Variants in PDE1C observed in about 807,000 individuals in gnomAD.
PDE1C encodes the protein phosphodiesterase 1C, also known as dual specificity calcium/calmodulin-dependent 3',5'-cyclic nucleotide phosphodiesterase 1C.
Under a neutral mutation model 93.1 loss-of-function variants are expected in PDE1C, and 62 were observed. That is an observed-to-expected ratio of 0.67 (90% CI 0.54 to 0.82). The LOEUF (loss-of-function observed/expected upper bound fraction) is 0.82. Ranked by LOEUF, PDE1C falls within the 40% of genes least tolerant of loss-of-function variation. The pLI, the probability that PDE1C is intolerant of heterozygous loss-of-function variation, is 0.00. For missense variants in PDE1C, 742 were observed against 884.6 expected (o/e 0.84, Z 2.04); for synonymous variants, 325 against 310.1 (o/e 1.05, Z -0.50).
At chr7:32,051,418 C>A in intron 2 of PDE1C, 136 bp downstream of exon 2, 1 of 805,384 alleles carries the variant, frequency 1.2e-6, no homozygotes, top group South Asian at 1.5e-5. Context: ...CAGTCACGAT[C>A]GGAGATAAAG....
intron 1 of PDE1C, among the ~76,000 whole-genome samples, chr7:32,289,094 G>A (rs1812182024): frequency 6.6e-6 from 1 of 152,142 alleles, no homozygotes; most frequent in Admixed American, 6.5e-5. Flanking sequence ...TAACAAACAA[G>A]ATTCAGAAAG....
intron 14 of PDE1C, among the ~76,000 whole-genome samples, chr7:31,821,614 T>TA (rs147315018): frequency 0.013 from 2,053 of 152,202 alleles, 40 homozygotes; most frequent in African/African-American, 0.047. Flanking sequence ...GCACTTAAAA[T>TA]ATGGAAGGTG....
chr7:31,847,830 A>G (rs1784817039), intron 9 of PDE1C, 138 bp downstream of exon 9: 2 of 807,632 alleles, frequency 2.5e-6, no homozygotes, highest in East Asian at 2.5e-5. Flanking sequence ...AGAGGGTGAG[A>G]GTGAGAGAAA....
intron 3 of PDE1C, among the ~76,000 whole-genome samples, chr7:32,076,477 C>T (rs1474345363): frequency 1.3e-5 from 2 of 151,270 alleles, no homozygotes; most frequent in East Asian, 1.9e-4. Context: ...CCCATCTCTA[C>T]GAAAAAAATA....
chr7:32,116,849 G>A (rs1417580622), intron 3 of PDE1C, among the ~76,000 whole-genome samples: 1 of 152,174 alleles, frequency 6.6e-6, no homozygotes, highest in Non-Finnish European at 1.5e-5. Flanking sequence ...TAATCACATG[G>A]TCATTTCTTC....
intron 1 of PDE1C, among the ~76,000 whole-genome samples, chr7:32,398,923 G>A (rs1034910777): frequency 1.3e-5 from 2 of 152,144 alleles, no homozygotes; most frequent in Non-Finnish European, 2.9e-5. Context: ...CCAGCACATA[G>A]GGTAACTTTT....
At chr7:32,298,727 G>A in exon 1 of PDE1C, 1 of 1,597,208 alleles carries the variant, frequency 6.3e-7, no homozygotes, top group Non-Finnish European at 8.5e-7. Flanking sequence ...TGTTGCCGGC[G>A]TCCGTCATGG....
In PDE1C at chr7:31,809,097, C is replaced by T; in HGVS notation, c.1825G>A (p.Asp609Asn). ...GEQQQNGDFK[D>N]GKNKTDKKDH... ...TTCTTGTCTGTCTTATTTTTACCAT[C>T]TTTGAAGTCACCTGAAAGTAATAAA... The change falls in exon 16 of 18, where the codon GAT becomes AAT. Residue 609 changes from aspartate to asparagine, a missense_variant. Physicochemically the swap from Asp to Asn is conservative, Grantham distance 23. Around this residue, in one of 4 missense-constraint regions of PDE1C, gnomAD observed 454 missense variants for 459.4 expected, o/e 0.99. Transcript: ENST00000396191. The T allele has an allele frequency of 6.3e-7, 1 of 1,578,838 alleles. No homozygotes were observed. The highest frequency in any genetic ancestry group is 8.7e-7 in the Non-Finnish European group (1 of 1,149,350).
intron 1 of PDE1C, among the ~76,000 whole-genome samples, chr7:32,342,338 G>T (rs373081090): frequency 4.6e-5 from 7 of 152,060 alleles, no homozygotes; most frequent in African/African-American, 1.4e-4. Context: ...ATCAATAACA[G>T]GAAATATTAT....
At chr7:32,264,218 G>A (rs556287402) in intron 1 of PDE1C, among the ~76,000 whole-genome samples, 5 of 152,290 alleles carry the variant, frequency 3.3e-5, no homozygotes, top group African/African-American at 9.6e-5. Context: ...GACAGGTGCT[G>A]AAGATTTTAA....
At chr7:32,402,811 C>A (rs776639093) in intron 1 of PDE1C, among the ~76,000 whole-genome samples, 1 of 152,036 alleles carries the variant, frequency 6.6e-6, no homozygotes, top group African/African-American at 2.4e-5. Context: ...TTATCAAAAC[C>A]CCCTCCAAGA....
chr7:32,204,716 CTA>C (rs1173861141), intron 2 of PDE1C, among the ~76,000 whole-genome samples: 1 of 152,106 alleles, frequency 6.6e-6, no homozygotes, highest in African/African-American at 2.4e-5. Context: ...CCTTTTTTAC[CTA>C]TTATCCCCAT....
In PDE1C at chr7:31,895,991, TTACATACA is replaced by T. The variant is rs6150057; in HGVS notation, c.129-15139_129-15132del. Among the ~76,000 whole-genome samples, 521 of 148,592 alleles carry T rather than the reference TTACATACA, an allele frequency of 3.5e-3. 9 individuals carry two copies. The highest frequency in any genetic ancestry group is 3.4e-3 in the Middle Eastern group (1 of 294). ...TGAGAACAGACTAATACACTCTCCCTTACATACATACATACATACATACATACATACAC... is the reference window on the plus strand; with the variant it reads ...TGAGAACAGACTAATACACTCTCCCTTACATACATACATACATACATACAC... On this transcript the variant is annotated intron_variant, in intron 2 of 17. Coordinates refer to ENST00000396191, the MANE Select transcript of PDE1C (RefSeq NM_001191057.4).
At chr7:32,085,795 A>T (rs1797032447) in intron 3 of PDE1C, among the ~76,000 whole-genome samples, 1 of 151,678 alleles carries the variant, frequency 6.6e-6, no homozygotes, top group Admixed American at 6.6e-5. Context: ...CTTTGACAAA[A>T]TTCAACAACA....
chr7:32,015,136 T>C (rs896809820), intron 2 of PDE1C, among the ~76,000 whole-genome samples: 2 of 152,140 alleles, frequency 1.3e-5, no homozygotes, highest in Non-Finnish European at 2.9e-5. Flanking sequence ...CCTTCCACCA[T>C]GATTGTAAGT....
At position 31,873,382 on chromosome 7, in the gene PDE1C, G is replaced by A. The variant is rs887419793; in HGVS notation, c.519C>T (p.Val173=). Residue 173 remains valine, a synonymous_variant, in exon 6 of 18, where the codon GTC becomes GTT. Coordinates refer to ENST00000396191, the MANE Select transcript of PDE1C (RefSeq NM_001191057.4). Reference sequence around the variant, plus strand: ...CCCCACTGGCCTCATTGAGGGAAAAGACGTCAAAGGACCACTTGTCCACAT... The same window carrying A: ...CCCCACTGGCCTCATTGAGGGAAAAAACGTCAAAGGACCACTTGTCCACAT... The part of the protein sequence containing the change: ...LKDVDKWSFD[V]FSLNEASGDH... 1.9e-6 allele frequency: 3 copies of A among 1,613,028 alleles called. No homozygotes were observed. Among genetic ancestry groups the A allele is most frequent in the East Asian group, 2.2e-5 (1 of 44,854 alleles).
chr7:32,200,957 C>T (rs1804966381), intron 2 of PDE1C, among the ~76,000 whole-genome samples: 1 of 152,168 alleles, frequency 6.6e-6, no homozygotes, highest in African/African-American at 2.4e-5. Flanking sequence ...CCAACTTCTC[C>T]ACCCTGCATA....
At chr7:32,267,112 A>G (rs11765754) in intron 1 of PDE1C, among the ~76,000 whole-genome samples, 81,876 of 152,188 alleles carry the variant, frequency 0.54, 23,071 homozygotes, top group East Asian at 0.83. Context: ...CGGGGCCTCG[A>G]CCCAAAGCCC....
chr7:32,321,335 A>G (rs530097608), intron 1 of PDE1C, among the ~76,000 whole-genome samples: 2 of 152,364 alleles, frequency 1.3e-5, no homozygotes, highest in East Asian at 3.9e-4. Context: ...AGGCAAAATG[A>G]CAATAAATGT....
Sources: allele counts gnomAD v4.1 joint callset (sites outside exome capture counted in the v4.1 genomes callset), GRCh38; gene constraint gnomAD v4.1.1; regional missense constraint gnomAD v4.1.1; transcripts MANE v1.5; gene names NCBI Gene and HGNC (gene_info 2026-07-23, HGNC 2026-07-21).